Variants in SORCS2 observed in about 807,000 individuals in gnomAD.
SORCS2 encodes sortilin related VPS10 domain containing receptor 2, also known as VPS10 domain-containing receptor SorCS2.
In SORCS2, 100 loss-of-function variants were observed where a neutral mutation model predicts 141.6. That is an observed-to-expected ratio of 0.71 (90% CI 0.60 to 0.83). The LOEUF (loss-of-function observed/expected upper bound fraction) is 0.83. Among genes scored for constraint, SORCS2 ranks in the 40% least tolerant of loss-of-function variants. The pLI, the probability that SORCS2 is intolerant of heterozygous loss-of-function variation, is 0.00. For synonymous variants in SORCS2, 789 were observed against 676.9 expected, an observed-to-expected ratio of 1.17 and a Z score of -2.57; for missense variants, 1,646 against 1,560.2, an observed-to-expected ratio of 1.05 and a Z score of -0.93.
chr4:7,513,383 G>A (rs1301919816), intron 2 of SORCS2, among the ~76,000 whole-genome samples: 1 of 152,178 alleles, frequency 6.6e-6, no homozygotes, highest in Non-Finnish European at 1.5e-5. Flanking sequence ...TCCCCAGAGG[G>A]AAAACGGGGC....
intron 1 of SORCS2, among the ~76,000 whole-genome samples, chr4:7,196,126 A>G (rs1727153174): frequency 6.6e-6 from 1 of 152,210 alleles, no homozygotes; most frequent in South Asian, 2.1e-4. Flanking sequence ...GAGATAGAGA[A>G]GGGGACTTGC....
At chr4:7,552,428 C>T (rs1047701333) in intron 3 of SORCS2, among the ~76,000 whole-genome samples, 4 of 152,114 alleles carry the variant, frequency 2.6e-5, no homozygotes, top group Admixed American at 2.0e-4. Flanking sequence ...CACAGAGGCT[C>T]CACTAGAGGG....
chr4:7,437,944 C>T (rs1439791982), intron 2 of SORCS2, among the ~76,000 whole-genome samples: 1 of 152,174 alleles, frequency 6.6e-6, no homozygotes, highest in Non-Finnish European at 1.5e-5. Flanking sequence ...TTATAACCTT[C>T]GAGCGTAGGT....
At chr4:7,395,765 G>C (rs974032374) in intron 1 of SORCS2, among the ~76,000 whole-genome samples, 1 of 152,166 alleles carries the variant, frequency 6.6e-6, no homozygotes, top group Admixed American at 6.5e-5. Context: ...TCTTGGCTGT[G>C]CCTCCCCAGG....
At chr4:7,733,204 ACCC>A in intron 23 of SORCS2, 115 bp from the exon 24 acceptor site, 1 of 216,218 alleles carries the variant, frequency 4.6e-6, no homozygotes. Context: ...CTGGTAGAAG[ACCC>A]CCCCAACACG....
chr4:7,689,829 G>A (rs1316351627), intron 11 of SORCS2, among the ~76,000 whole-genome samples: 1 of 151,826 alleles, frequency 6.6e-6, no homozygotes, highest in Non-Finnish European at 1.5e-5. Flanking sequence ...TGGAAGAGTG[G>A]ATGAATGGAT....
chr4:7,382,445 C>G (rs1723047683), intron 1 of SORCS2, among the ~76,000 whole-genome samples: 1 of 152,088 alleles, frequency 6.6e-6, no homozygotes, highest in Non-Finnish European at 1.5e-5. Flanking sequence ...TGAGACAGCC[C>G]CAGGGCTGCA....
intron 2 of SORCS2, among the ~76,000 whole-genome samples, chr4:7,442,762 G>A (rs1021934263): frequency 6.6e-6 from 1 of 151,448 alleles, no homozygotes; most frequent in Non-Finnish European, 1.5e-5. Context: ...TTTCGCAGGT[G>A]CCCTGGAACT....
At chr4:7,252,668 C>G (rs75866053) in intron 1 of SORCS2, among the ~76,000 whole-genome samples, 10,039 of 152,132 alleles carry the variant, frequency 0.066, 448 homozygotes, top group Non-Finnish European at 0.097. Context: ...AACCAGGATG[C>G]TTCTGAGAGG....
intron 1 of SORCS2, among the ~76,000 whole-genome samples, chr4:7,371,743 GGT>G (rs1280499948): frequency 1.1e-4 from 17 of 152,216 alleles, no homozygotes; most frequent in Admixed American, 1.0e-3. Flanking sequence ...CGTGGAGGCG[GGT>G]GTGTGTCGGG....
chr4:7,387,798 T>TA (rs1560241886), intron 1 of SORCS2, among the ~76,000 whole-genome samples: 15 of 139,362 alleles, frequency 1.1e-4, no homozygotes, highest in East Asian at 4.8e-4. Flanking sequence ...ACATGCATGC[T>TA]CACATGCACA....
At chr4:7,247,893 C>T (rs1015189770) in intron 1 of SORCS2, among the ~76,000 whole-genome samples, 2 of 152,220 alleles carry the variant, frequency 1.3e-5, no homozygotes, top group East Asian at 3.8e-4. Context: ...GTGACAGCTC[C>T]CACTCAGATC....
rs759774803 is a variant in SORCS2 at position 7,509,207 on chromosome 4, C to G, written c.549-22323C>G. ...AGAGCTGGGAGCATTCGCTGCCCCC[C>G]CAGAGCAAGGGGACAAAGGGAGATG... On this transcript the variant is annotated intron_variant, in intron 2 of 26. Coordinates refer to ENST00000507866, the MANE Select transcript of SORCS2 (RefSeq NM_020777.3). 1.4e-4 allele frequency among the ~76,000 whole-genome samples: 22 copies of G among 152,274 alleles called. No homozygotes were observed. The South Asian group carries it at 2.1e-3, about 14-fold the overall frequency.
chr4:7,500,202 C>T (rs1355077285), intron 2 of SORCS2, among the ~76,000 whole-genome samples: 1 of 152,186 alleles, frequency 6.6e-6, no homozygotes, highest in Non-Finnish European at 1.5e-5. Flanking sequence ...CTCTCGGTCC[C>T]CTGCACGAGC....
chr4:7,588,450 G>A (rs1056806932), intron 3 of SORCS2, among the ~76,000 whole-genome samples: 11 of 152,208 alleles, frequency 7.2e-5, no homozygotes, highest in Admixed American at 1.3e-4. Context: ...CACGTTGGAG[G>A]AGGATCTGGG....
chr4:7,340,113 A>G (rs1244346026), intron 1 of SORCS2, among the ~76,000 whole-genome samples: 1 of 152,260 alleles, frequency 6.6e-6, no homozygotes, highest in East Asian at 1.9e-4. Context: ...AGGGCTCACA[A>G]GATGAGTGTC....
chr4:7,618,730 C>T (rs1480050988), intron 3 of SORCS2, among the ~76,000 whole-genome samples: 1 of 152,168 alleles, frequency 6.6e-6, no homozygotes, highest in African/African-American at 2.4e-5. Context: ...AACCCCCACC[C>T]CACCCTAGGA....
intron 3 of SORCS2, among the ~76,000 whole-genome samples, chr4:7,595,585 T>C (rs1174866774): frequency 6.6e-6 from 1 of 150,806 alleles, no homozygotes; most frequent in Non-Finnish European, 1.5e-5. Context: ...TTGTCACTCT[T>C]GTCACTCTGG....
At chr4:7,547,382 G>A (rs578060190) in intron 3 of SORCS2, among the ~76,000 whole-genome samples, 4 of 152,242 alleles carry the variant, frequency 2.6e-5, no homozygotes, top group East Asian at 3.9e-4. Context: ...TGCCATCCCC[G>A]GTCGCATACT....
Sources: allele counts gnomAD v4.1 joint callset (sites outside exome capture counted in the v4.1 genomes callset), GRCh38; gene constraint gnomAD v4.1.1; transcripts MANE v1.5; gene names NCBI Gene and HGNC (gene_info 2026-07-23, HGNC 2026-07-21).